KLHL29: variants seen among roughly 807,000 people sequenced by gnomAD.
KLHL29 encodes the protein kelch like family member 29.
KLHL29 carries 21 observed loss-of-function variants against 80.4 expected under a neutral mutation model. The observed-to-expected ratio is 0.26, with a 90% CI of 0.19 to 0.38. The LOEUF is 0.38. Ranked by LOEUF, KLHL29 falls within the 10% of genes least tolerant of loss-of-function variation. KLHL29 has a pLI of 1.00. For missense variants in KLHL29, 867 were observed against 1,223.9 expected (o/e 0.71, Z 4.35); for synonymous variants, 511 against 526.8 (o/e 0.97, Z 0.41).
intron 7 of KLHL29, among the ~76,000 whole-genome samples, chr2:23,692,374 C>CGG (rs966896806): frequency 6.6e-6 from 1 of 152,210 alleles, no homozygotes; most frequent in Admixed American, 6.5e-5. Flanking sequence ...CAGGAGCTCC[C>CGG]GGGGGGGTCG....
chr2:23,417,520 G>A (rs1662612626), intron 1 of KLHL29, among the ~76,000 whole-genome samples: 1 of 152,214 alleles, frequency 6.6e-6, no homozygotes, highest in Non-Finnish European at 1.5e-5. Flanking sequence ...GTGCCATGCA[G>A]TACGCACTGC....
chr2:23,669,145 C>T lies in KLHL29; in HGVS notation c.941-15254C>T, dbSNP rs551976781. The T allele has an allele frequency of 6.6e-6, 1 of 152,564 alleles. No individual in the cohort carries two copies. Among genetic ancestry groups the T allele is most frequent in the East Asian group, 1.9e-4 (1 of 5,190 alleles). 9.5% of individuals were successfully genotyped at this position (152,564 alleles called of 1,614,324 possible). A position where few individuals can be genotyped will look rare whatever the true frequency, so the allele number is the denominator to read the frequency against. ...GGCCAGGCTTCAGCATCTCAGTGCC[C>T]CCAGGCCAGGAAGGCGTCTCTCTTC... is the stretch of plus-strand genomic sequence containing the variant. On this transcript the variant is annotated intron_variant, in intron 5 of 13. Transcript: ENST00000486442. The surrounding 1 kb of genome is among the most constrained non-coding windows in gnomAD (Gnocchi z 4.3).
chr2:23,701,589 T>C (rs1212878202), intron 11 of KLHL29, among the ~76,000 whole-genome samples: 1 of 152,058 alleles, frequency 6.6e-6, no homozygotes, highest in Admixed American at 6.6e-5. Flanking sequence ...GGTGCACACC[T>C]GTAGTCCCAG....
chr2:23,450,865 A>G (rs865946117), intron 1 of KLHL29, among the ~76,000 whole-genome samples: 4 of 152,306 alleles, frequency 2.6e-5, no homozygotes, highest in South Asian at 2.1e-4. Flanking sequence ...CATCATCTCA[A>G]AAAGAAACCC....
chr2:23,527,600 G>A (rs1455539192), intron 2 of KLHL29, among the ~76,000 whole-genome samples: 2 of 152,252 alleles, frequency 1.3e-5, no homozygotes, highest in Non-Finnish European at 2.9e-5. Context: ...CTTTCTCAGC[G>A]AAGAGTCGGC....
At chr2:23,428,124 C>G (rs570862127) in intron 1 of KLHL29, among the ~76,000 whole-genome samples, 50 of 152,332 alleles carry the variant, frequency 3.3e-4, no homozygotes, top group Non-Finnish European at 7.2e-4. Flanking sequence ...GACAGAGCAC[C>G]TGCCGCATGG....
intron 4 of KLHL29, among the ~76,000 whole-genome samples, chr2:23,639,676 G>A (rs1262014357): frequency 6.6e-6 from 1 of 152,120 alleles, no homozygotes; most frequent in Non-Finnish European, 1.5e-5. Context: ...TCGGGGACTG[G>A]GAATTAATTC....
rs1439492561 is a variant in KLHL29, at chr2:23,503,887, A to G, written c.-46+28220A>G. The stretch of plus-strand genomic sequence containing the variant: ...CAGACCCCAGGCATTCAAATGATAG[A>G]ATGCTTCTGCTGTGCCTGCATCCTT... On this transcript the variant is annotated intron_variant, in intron 2 of 13. Transcript: ENST00000486442. This position sits in a 1 kb window ranked among gnomAD's most constrained non-coding sequence, Gnocchi z 4.0. Among the ~76,000 whole-genome samples, 1 of 152,178 alleles carries G rather than the reference A, an allele frequency of 6.6e-6. No individual in the cohort carries two copies. Among genetic ancestry groups the G allele is most frequent in the Non-Finnish European group, 1.5e-5 (1 of 68,028 alleles).
At chr2:23,409,657 A>G (rs746322334) in intron 1 of KLHL29, among the ~76,000 whole-genome samples, 10 of 152,236 alleles carry the variant, frequency 6.6e-5, no homozygotes, top group Non-Finnish European at 1.2e-4. Context: ...TTCATGGTTC[A>G]GCAAATCTCT....
intron 5 of KLHL29, chr2:23,643,341 A>G (rs1052984320): frequency 1.5e-4 from 41 of 270,950 alleles, no homozygotes; most frequent in African/African-American, 8.9e-4. Flanking sequence ...GCACTGCCCA[A>G]GGCAATTTAG....
intron 3 of KLHL29, among the ~76,000 whole-genome samples, chr2:23,585,937 G>A (rs1221602411): frequency 6.6e-6 from 1 of 152,218 alleles, no homozygotes; most frequent in Non-Finnish European, 1.5e-5. Context: ...GTTGGGAGCA[G>A]TTCTGGTGGC....
At chr2:23,498,456 C>T (rs1397870672) in intron 2 of KLHL29, among the ~76,000 whole-genome samples, 1 of 152,186 alleles carries the variant, frequency 6.6e-6, no homozygotes, top group Non-Finnish European at 1.5e-5. Context: ...TACCTGGGGG[C>T]CTCGCCCTGC....
intron 6 of KLHL29, chr2:23,690,736 G>A (rs1671542412): frequency 6.6e-6 from 1 of 152,290 alleles, no homozygotes; most frequent in Non-Finnish European, 1.5e-5. Flanking sequence ...TTATGTATCA[G>A]TGTCACTCTT....
chr2:23,575,635 A>G (rs970801057), intron 3 of KLHL29, among the ~76,000 whole-genome samples: 4 of 152,238 alleles, frequency 2.6e-5, no homozygotes. Context: ...CCAGGGTCAC[A>G]GAACCCCAGA....
intron 1 of KLHL29, among the ~76,000 whole-genome samples, chr2:23,417,383 A>AGCG (rs1319565515): frequency 6.6e-6 from 1 of 152,184 alleles, no homozygotes; most frequent in African/African-American, 2.4e-5. Context: ...ACCGAAGTGA[A>AGCG]TCATCTGCCT....
chr2:23,396,463 C>T (rs1483392633), intron 1 of KLHL29, among the ~76,000 whole-genome samples: 1 of 152,118 alleles, frequency 6.6e-6, no homozygotes, highest in African/African-American at 2.4e-5. Flanking sequence ...CTTATTTAGC[C>T]AATGGGAAGA....
intron 1 of KLHL29, among the ~76,000 whole-genome samples, chr2:23,427,662 A>T (rs1663041003): frequency 6.6e-6 from 1 of 152,218 alleles, no homozygotes; most frequent in South Asian, 2.1e-4. Flanking sequence ...TTTTGGTGTC[A>T]CACTCAATTG....
At chr2:23,616,747 C>G (rs1669017090) in intron 3 of KLHL29, 1 of 152,276 alleles carries the variant, frequency 6.6e-6, no homozygotes, top group Non-Finnish European at 1.5e-5. Context: ...GTGACCTGTC[C>G]AAGGACACAG....
intron 6 of KLHL29, chr2:23,691,414 GC>G (rs1671592455): frequency 3.7e-6 from 2 of 542,482 alleles, no homozygotes; most frequent in Admixed American, 6.3e-5. Flanking sequence ...CATAGCTCAT[GC>G]TTTTTGATTT....
Sources: gnomAD v4.1 joint callset for allele counts (sites outside exome capture counted in the v4.1 genomes callset) on GRCh38, gnomAD v4.1.1 for gene constraint, Gnocchi (gnomAD v3.1) non-coding constraint, MANE v1.5 for transcripts, NCBI Gene and HGNC (gene_info 2026-07-23, HGNC 2026-07-21) for gene names.